Variants in NR1D2 observed in about 807,000 individuals in gnomAD.
NR1D2 encodes the protein V-erbA-related protein 1-related.
A neutral mutation model predicts 52.2 loss-of-function variants in NR1D2; 25 were observed. That is an observed-to-expected ratio of 0.48 (90% CI 0.35 to 0.67). The LOEUF is 0.67. Ranked by LOEUF, NR1D2 falls within the 30% of genes least tolerant of loss-of-function variation. The pLI, the probability that NR1D2 is intolerant of heterozygous loss-of-function variation, is 0.01. For synonymous variants in NR1D2, 259 were observed against 230.1 expected, an observed-to-expected ratio of 1.13 and a Z score of -1.14; for missense variants, 681 against 707.2, an observed-to-expected ratio of 0.96 and a Z score of 0.42.
chr3:23,966,648 G>T (rs1171842838), intron 6 of NR1D2, among the ~76,000 whole-genome samples: 1 of 152,206 alleles, frequency 6.6e-6, no homozygotes, highest in African/African-American at 2.4e-5. Context: ...TAATAGAGTG[G>T]CAGAGTATCT....
intron 5 of NR1D2, among the ~76,000 whole-genome samples, chr3:23,963,682 C>A (rs1484276876): frequency 6.6e-6 from 1 of 152,058 alleles, no homozygotes; most frequent in Non-Finnish European, 1.5e-5. Flanking sequence ...TTCCTGGCCT[C>A]AAGTGATTCA....
At chr3:23,962,876 T>A (rs538183211) in intron 5 of NR1D2, among the ~76,000 whole-genome samples, 1 of 152,352 alleles carries the variant, frequency 6.6e-6, no homozygotes, top group African/African-American at 2.4e-5. Flanking sequence ...CATGCAGAAT[T>A]GGTCCTTTAA....
chr3:23,973,158 A>G lies in NR1D2; in HGVS notation c.1544-4065A>G, dbSNP rs1006518558. On this transcript the variant is annotated intron_variant, in intron 7 of 7. Transcript: ENST00000312521. ...TATTTTGTTTGTGGGGATTACTGTC[A>G]TTCTTTCTCAGTTTTCGGTATTATA... Among the ~76,000 whole-genome samples the G allele has an allele frequency of 2.0e-5, 3 of 152,264 alleles. No homozygotes were observed. The East Asian group carries it at 5.8e-4, about 29-fold the overall frequency.
intron 3 of NR1D2, among the ~76,000 whole-genome samples, 160 bp from the exon 4 acceptor site, chr3:23,959,511 T>C (rs1706180880): frequency 6.6e-6 from 1 of 152,052 alleles, no homozygotes; most frequent in Non-Finnish European, 1.5e-5. Context: ...TGTGTCAACA[T>C]TGTATTTCCC....
intron 4 of NR1D2, 71 bp downstream of exon 4, chr3:23,959,886 A>G (rs1415526617): frequency 6.2e-6 from 9 of 1,448,214 alleles, no homozygotes; most frequent in Non-Finnish European, 7.4e-6. Context: ...CATGAACCAG[A>G]GCTATAAACC....
intron 7 of NR1D2, among the ~76,000 whole-genome samples, chr3:23,968,461 A>AGGCTTTAGTCCAGTTCT (rs1706507790): frequency 6.6e-6 from 1 of 152,222 alleles, no homozygotes; most frequent in African/African-American, 2.4e-5. Flanking sequence ...AATTAGTTGT[A>AGGCTTTAGTCCAGTTCT]GGCTTTAGTC....
At chr3:23,954,941 AG>A in intron 2 of NR1D2, 138 bp downstream of exon 2, 1 of 749,118 alleles carries the variant, frequency 1.3e-6, no homozygotes, top group East Asian at 2.6e-5. Flanking sequence ...ATCAGTAGTT[AG>A]GGAAGAAATC....
At chr3:23,948,249 A>G (rs1705823912) in intron 1 of NR1D2, among the ~76,000 whole-genome samples, 1 of 152,226 alleles carries the variant, frequency 6.6e-6, no homozygotes. Context: ...ACATTCAACC[A>G]GTGATCCTGT....
At chr3:23,955,495 A>G (rs773413087) in intron 2 of NR1D2, among the ~76,000 whole-genome samples, 1 of 152,234 alleles carries the variant, frequency 6.6e-6, no homozygotes, top group Non-Finnish European at 1.5e-5. Context: ...AATCCGGGTC[A>G]GCGAGGTATT....
intron 5 of NR1D2, among the ~76,000 whole-genome samples, chr3:23,964,352 C>T (rs556528809): frequency 3.9e-5 from 6 of 152,332 alleles, no homozygotes; most frequent in Middle Eastern, 3.4e-3. Context: ...GCTGAGATTA[C>T]AGGCGTGAGC....
intron 7 of NR1D2, among the ~76,000 whole-genome samples, chr3:23,972,281 A>G (rs1559338319): frequency 6.6e-6 from 1 of 152,202 alleles, no homozygotes; most frequent in East Asian, 1.9e-4. Flanking sequence ...CCCAATGTCC[A>G]TTTTTAATTA....
At chr3:23,962,984 GTTAGAAATTCTTTGATT>G (rs1706325351) in intron 5 of NR1D2, among the ~76,000 whole-genome samples, 1 of 149,842 alleles carries the variant, frequency 6.7e-6, no homozygotes, top group Non-Finnish European at 1.5e-5. Flanking sequence ...GCTTGCCATA[GTTAGAAATTCTTTGATT>G]TCTATAGAAA....
At chr3:23,966,993 C>T (rs948176112) in intron 6 of NR1D2, among the ~76,000 whole-genome samples, 5 of 151,696 alleles carry the variant, frequency 3.3e-5, no homozygotes, top group East Asian at 2.0e-4. Context: ...ATTGCATCTC[C>T]GGCCTGGGCA....
intron 4 of NR1D2, 122 bp from the exon 5 acceptor site, chr3:23,961,855 T>C: frequency 1.1e-6 from 1 of 897,248 alleles, no homozygotes; most frequent in East Asian, 2.6e-5. Flanking sequence ...ACCAGAGACA[T>C]GTAGACTCAT....
intron 1 of NR1D2, among the ~76,000 whole-genome samples, chr3:23,948,420 G>C (rs1705834588): frequency 6.6e-6 from 1 of 152,148 alleles, no homozygotes; most frequent in Non-Finnish European, 1.5e-5. Context: ...TGCTCTACTG[G>C]TCAGTAGGGT....
At position 23,978,280 on chromosome 3, in the gene NR1D2, A is replaced by G. The variant is rs952979856; in HGVS notation, c.*861A>G. The G allele has an allele frequency of 3.3e-5, 5 of 152,216 alleles. No individual in the cohort carries two copies. The highest frequency in any genetic ancestry group is 1.2e-4 in the African/African-American group (5 of 41,464). The allele number at this position is 152,216 out of a possible 1,614,324, so 9.4% of individuals were successfully genotyped here. A position where few individuals can be genotyped will look rare whatever the true frequency, so the allele number is the denominator to read the frequency against. Reference sequence around the variant, plus strand: ...AATATATTTCTTCACAATATTTTAAACTGTGAAGAACTTTATCATACAGGA... The same window carrying G: ...AATATATTTCTTCACAATATTTTAAGCTGTGAAGAACTTTATCATACAGGA... On this transcript the variant is annotated 3_prime_UTR_variant, in exon 8 of 8. Coordinates refer to ENST00000312521, the MANE Select transcript of NR1D2 (RefSeq NM_005126.5).
intron 3 of NR1D2, among the ~76,000 whole-genome samples, chr3:23,958,642 T>TAAAA (rs35959367): frequency 8.2e-5 from 8 of 98,090 alleles, no homozygotes; most frequent in African/African-American, 1.6e-4. Flanking sequence ...CCTGTCTCTT[T>TAAAA]AAAAAAAAAA....
chr3:23,946,159 C>A lies in NR1D2; in HGVS notation c.16+565C>A, dbSNP rs1474941256. ...CGGGGTTGCACACTGCGGAGGAGGCCGCGCGTGCGCGCCCGCTGAGCCCCC... is the reference window on the plus strand; with the variant it reads ...CGGGGTTGCACACTGCGGAGGAGGCAGCGCGTGCGCGCCCGCTGAGCCCCC... On this transcript the variant is annotated intron_variant, in intron 1 of 7. Coordinates refer to ENST00000312521, the MANE Select transcript of NR1D2 (RefSeq NM_005126.5). 3 of 985,010 alleles carry A rather than the reference C, an allele frequency of 3.0e-6. No homozygotes were observed. The Admixed American group carries it at 1.8e-4, about 61-fold the overall frequency. The allele number at this position is 985,010 out of a possible 1,614,324, so 61.0% of individuals were successfully genotyped here.
intron 1 of NR1D2, among the ~76,000 whole-genome samples, chr3:23,952,853 CAG>C (rs1276720667): frequency 6.6e-6 from 1 of 152,060 alleles, no homozygotes; most frequent in South Asian, 2.1e-4. Flanking sequence ...CTTTCCTCCT[CAG>C]AGGGTTTGTT....
Sources: allele counts gnomAD v4.1 joint callset (sites outside exome capture counted in the v4.1 genomes callset), GRCh38; gene constraint gnomAD v4.1.1; transcripts MANE v1.5; gene names NCBI Gene and HGNC (gene_info 2026-07-23, HGNC 2026-07-21).